NME9: variants seen among roughly 807,000 people sequenced by gnomAD.
NME9 encodes the protein thioredoxin domain-containing protein 6.
A neutral mutation model predicts 44.4 loss-of-function variants in NME9; 48 were observed. The observed-to-expected ratio is 1.08, with a 90% CI of 0.86 to 1.37. The LOEUF (loss-of-function observed/expected upper bound fraction) is 1.37. NME9 is among the 40% of genes most tolerant of loss of function. The pLI is 0.00. For missense variants in NME9, 325 were observed against 405.2 expected (o/e 0.80, Z 1.70); for synonymous variants, 139 against 147.1 (o/e 0.94, Z 0.40).
rs1194303045 is a variant in NME9, at chr3:138,301,187, TTC to T, written c.*451_*452del. The T allele has an allele frequency of 1.4e-5, 12 of 853,724 alleles. No individual in the cohort carries two copies. The highest frequency in any genetic ancestry group is 1.7e-5 in the Non-Finnish European group (12 of 710,118). The allele number at this position is 853,724 out of a possible 1,614,324, so 52.9% of individuals were successfully genotyped here. ...TAATAAGGCAGAAAAGTATATACTA[TTC>T]TCTTTCTTTACTTTTTTTTTTATTA... On this transcript the variant is annotated 3_prime_UTR_variant, in exon 11 of 11. Coordinates refer to ENST00000333911, the MANE Select transcript of NME9 (RefSeq NM_001349018.2).
At chr3:138,304,177 G>T (rs899614110) in intron 9 of NME9, among the ~76,000 whole-genome samples, 1 of 152,164 alleles carries the variant, frequency 6.6e-6, no homozygotes, top group Admixed American at 6.5e-5. Context: ...GAAGAGACTT[G>T]CAGTGACCTA....
At chr3:138,273,752 G>A (rs2048997410) in intron 8 of NME9, among the ~76,000 whole-genome samples, 1 of 151,710 alleles carries the variant, frequency 6.6e-6, no homozygotes, top group Non-Finnish European at 1.5e-5. Flanking sequence ...ATAGTATTAG[G>A]AAATCTACAC....
intron 1 of NME9, among the ~76,000 whole-genome samples, chr3:138,326,369 A>C (rs74435986): frequency 6.6e-6 from 1 of 152,194 alleles, no homozygotes; most frequent in Non-Finnish European, 1.5e-5. Flanking sequence ...TGTAATTAAC[A>C]TATTTTTGTG....
intron 8 of NME9, chr3:138,284,369 G>T: frequency 7.5e-7 from 1 of 1,324,678 alleles, no homozygotes; most frequent in Non-Finnish European, 1.1e-6. Context: ...CCAAGCTCTT[G>T]AGACAGCTTG....
Position 138,306,422 on chromosome 3 carries a change from T to A in NME9, c.519A>T (p.Gly173=). The change falls in exon 7 of 11, where the codon GGA becomes GGT. Residue 173 remains glycine (G), a synonymous_variant. Transcript: ENST00000333911. ...AIIKPDAVAH[G]KTDEIIMKIQ... is the part of the protein sequence containing the mutation. ...CCTTCATGATAATCTCATCAGTCTT[T>A]CCATGGGCCACTGCATCTGGTTTAA... 1 of 1,613,300 alleles carries A rather than the reference T, an allele frequency of 6.2e-7. No homozygotes were observed. Among genetic ancestry groups the A allele is most frequent in the Non-Finnish European group, 8.5e-7 (1 of 1,179,226 alleles).
intron 2 of NME9, among the ~76,000 whole-genome samples, chr3:138,320,580 A>G (rs1412724421): frequency 6.6e-6 from 1 of 152,272 alleles, no homozygotes; most frequent in East Asian, 1.9e-4. Flanking sequence ...ATATAACACA[A>G]TATAAACTGT....
At chr3:138,329,236 G>A in intron 1 of NME9, 67 bp downstream of exon 1, 4 of 1,369,640 alleles carry the variant, frequency 2.9e-6, no homozygotes, top group Non-Finnish European at 3.0e-6. Context: ...CTGCAACCCC[G>A]CTCTAATCAC....
intron 8 of NME9, chr3:138,262,647 A>G: frequency 1.3e-6 from 2 of 1,489,328 alleles, no homozygotes; most frequent in South Asian, 1.3e-5. Context: ...GGAGAATCTA[A>G]TTTAATTGGT....
At position 138,288,977 on chromosome 3, in the gene NME9, G is replaced by C. The variant is rs1179110723; in HGVS notation, c.745+14530C>G. The C allele has an allele frequency of 3.9e-6, 5 of 1,283,008 alleles. No individual in the cohort carries two copies. The African/African-American group carries it at 7.4e-5, about 19-fold the overall frequency. The allele number at this position is 1,283,008 out of a possible 1,614,324, so 79.5% of individuals were successfully genotyped here. On this transcript the variant is annotated intron_variant, in intron 8 of 8. Transcript: ENST00000317876. ...AGGTTATAGGAATTGGCTATGGTAG[G>C]TCCCCCCAAAAAAAAATCTAAAATG...
intron 6 of NME9, among the ~76,000 whole-genome samples, chr3:138,312,155 G>A (rs1156541842): frequency 2.0e-5 from 3 of 152,132 alleles, no homozygotes; most frequent in African/African-American, 7.2e-5. Context: ...CATGCTGATG[G>A]ATTGGGAGAA....
At chr3:138,313,140 C>T (rs1412758173) in intron 6 of NME9, among the ~76,000 whole-genome samples, 1 of 152,172 alleles carries the variant, frequency 6.6e-6, no homozygotes, top group African/African-American at 2.4e-5. Context: ...CCTGTAATCC[C>T]AGCACTTTGG....
intron 8 of NME9, among the ~76,000 whole-genome samples, chr3:138,293,735 G>A (rs1426880628): frequency 6.6e-6 from 1 of 152,104 alleles, no homozygotes; most frequent in Non-Finnish European, 1.5e-5. Flanking sequence ...CTACCTGAGA[G>A]CCAGGTTGTT....
At chr3:138,289,383 GGA>G (rs2050732631) in intron 8 of NME9, among the ~76,000 whole-genome samples, 1 of 152,222 alleles carries the variant, frequency 6.6e-6, no homozygotes. Flanking sequence ...GTCCCTGCCA[GGA>G]GAGAGCTGAT....
chr3:138,282,889 A>G (rs1197656610), intron 8 of NME9, among the ~76,000 whole-genome samples: 1 of 152,156 alleles, frequency 6.6e-6, no homozygotes, highest in Non-Finnish European at 1.5e-5. Context: ...AGTGCAGATT[A>G]TTATTGATTT....
intron 6 of NME9, among the ~76,000 whole-genome samples, chr3:138,311,748 A>G (rs2052719207): frequency 6.6e-6 from 1 of 152,178 alleles, no homozygotes; most frequent in African/African-American, 2.4e-5. Context: ...CCTCAAAACA[A>G]TAAAAGCCAT....
intron 6 of NME9, among the ~76,000 whole-genome samples, chr3:138,311,446 G>A (rs2108443736): frequency 6.6e-6 from 1 of 152,146 alleles, no homozygotes. Flanking sequence ...AACAAAACGA[G>A]AAAACCAGGC....
At position 138,304,941 on chromosome 3, in the gene NME9, C is replaced by G. The variant is rs140790851; in HGVS notation, c.723G>C (p.Val241=). The part of the protein sequence containing the change: ...ILTRTEGFED[V]VTTWRTVMGP... ...CCATGACGGTTCGCCAGGTAGTGAC[C>G]ACGTCCTCGAAGCCCTCAGTCCTGG... Residue 241 remains valine, a synonymous_variant, in exon 9 of 11, where the codon GTG becomes GTC. Transcript: ENST00000333911. 4.9e-4 allele frequency: 790 copies of G among 1,614,122 alleles called. 1 individual carries two copies. The highest frequency in any genetic ancestry group is 5.6e-4 in the Non-Finnish European group (666 of 1,180,010).
chr3:138,287,910 T>C (rs942539987), intron 8 of NME9: 1 of 239,994 alleles, frequency 4.2e-6, no homozygotes, highest in Non-Finnish European at 8.4e-6. Flanking sequence ...TATTTTATTA[T>C]TGAGTCCTTT....
At chr3:138,320,468 CTAA>C (rs1013401554) in intron 2 of NME9, among the ~76,000 whole-genome samples, 8 of 152,164 alleles carry the variant, frequency 5.3e-5, no homozygotes, top group Non-Finnish European at 7.3e-5. Flanking sequence ...GTCAAAATTG[CTAA>C]TAATTGATTA....
Sources: allele counts gnomAD v4.1 joint callset (sites outside exome capture counted in the v4.1 genomes callset), GRCh38; gene constraint gnomAD v4.1.1; transcripts MANE v1.5; gene names NCBI Gene and HGNC (gene_info 2026-07-23, HGNC 2026-07-21).